The following ACADVL variants were observed in gnomAD, a reference collection of about 807,000 sequenced individuals.
ACADVL encodes the protein acyl-CoA dehydrogenase very long chain.
ACADVL carries 73 observed loss-of-function variants against 80.4 expected under a neutral mutation model. The ratio of observed to expected loss-of-function variants is 0.91; its 90% CI spans 0.75 to 1.10. The LOEUF (loss-of-function observed/expected upper bound fraction) is 1.10, where lower values mean the gene tolerates loss of function less well. ACADVL is among the 50% of genes least tolerant of loss of function. ACADVL has a pLI of 0.00. For missense variants in ACADVL, 878 were observed against 858.9 expected, an observed-to-expected ratio of 1.02 and a Z score of -0.28; for synonymous variants, 392 against 326.5, an observed-to-expected ratio of 1.20 and a Z score of -2.16.
At chr17:7,222,420 T>C in intron 9 of ACADVL, 118 bp downstream of exon 9, 1 of 1,455,184 alleles carries the variant, frequency 6.9e-7, no homozygotes, top group Non-Finnish European at 9.3e-7. Context: ...GTGGACTGAA[T>C]GTGGCCTTTG....
rs1242191850 is a variant in ACADVL, at chr17:7,223,332, C to T, written c.1182+95C>T. ...CCCAGCAGCACCTGGGGCAGTGGGT[C>T]TCCAGCTTTACACCAATGCCCTAGG... On this transcript the variant is annotated intron_variant, in intron 11 of 19. Transcript: ENST00000356839. 5 of 1,189,082 alleles carry T rather than the reference C, an allele frequency of 4.2e-6. No homozygotes were observed. In the African/African-American group the frequency reaches 6.0e-5, roughly 14 times the overall value. The allele number at this position is 1,189,082 out of a possible 1,614,324, so 73.7% of individuals were successfully genotyped here. A position where few individuals can be genotyped will look rare whatever the true frequency, so the allele number is the denominator to read the frequency against.
chr17:7,219,214 G>A, upstream of ACADVL: 1 of 331,926 alleles, frequency 3.0e-6, no homozygotes, highest in South Asian at 4.4e-5. Context: ...CCTGCCCTAG[G>A]GCTAGAGAAG....
chr17:7,219,314 A>G, upstream of ACADVL: 1 of 844,310 alleles, frequency 1.2e-6, no homozygotes, highest in South Asian at 4.0e-5. Context: ...TGGTCTCTGG[A>G]AGGAACAGAG....
chr17:7,220,249 G>A, intron 2 of ACADVL, 52 bp downstream of exon 2: 1 of 1,512,494 alleles, frequency 6.6e-7, no homozygotes, highest in Non-Finnish European at 8.8e-7. Context: ...GTCCGCTTCG[G>A]CGCCCGCCAT....
chr17:7,218,460 G>T, upstream of ACADVL: 2 of 1,452,122 alleles, frequency 1.4e-6, no homozygotes, highest in South Asian at 1.2e-5. Flanking sequence ...TGGACCAAAT[G>T]ATCTCTGGGC....
upstream of ACADVL, chr17:7,217,762 C>T (rs2071000155): frequency 1.3e-6 from 2 of 1,535,112 alleles, no homozygotes; most frequent in South Asian, 2.4e-5. Flanking sequence ...CACAGAGGCC[C>T]CTGAGGCAAA....
chr17:7,223,038 GC>G lies in ACADVL; in HGVS notation c.1078-94del, dbSNP rs1323136630. On this transcript the variant is annotated intron_variant, in intron 10 of 19. Transcript: ENST00000356839. Reference sequence around the variant, plus strand: ...AGCGTAGACTGAACTCTGGTTGTATGCAAAACCCATCCCTCTGGCGCAAGCC... The same window carrying G: ...AGCGTAGACTGAACTCTGGTTGTATGAAAACCCATCCCTCTGGCGCAAGCC... The G allele has an allele frequency of 5.4e-6, 8 of 1,474,604 alleles. No individual in the cohort carries two copies. The African/African-American group carries it at 1.1e-4, about 20-fold the overall frequency. The allele number at this position is 1,474,604 out of a possible 1,614,324, so 91.3% of individuals were successfully genotyped here.
chr17:7,218,202 G>T (rs1231739034), upstream of ACADVL: 5 of 1,578,798 alleles, frequency 3.2e-6, no homozygotes, highest in South Asian at 1.1e-5. Context: ...AGCCCTGCCT[G>T]CCCCTCAGGA....
chr17:7,225,006 G>A lies in ACADVL; in HGVS notation c.1877G>A (p.Trp626Ter), dbSNP rs1393062056. The change falls in exon 20 of 20, where the codon TGG becomes TAG. Residue 626 changes from tryptophan (W) to a stop codon, truncating the protein, a stop_gained. Coordinates refer to ENST00000356839, the MANE Select transcript of ACADVL (RefSeq NM_000018.4). LOFTEE classifies it high-confidence loss of function. ...EGMAALQSDPWQQELYRNFKS... is the reference protein window; with the variant it reads ...EGMAALQSDP ...ATGGCCGCCCTGCAGTCTGACCCCT[G>A]GCAGCAAGAGCTCTACCGCAACTTC... The A allele has an allele frequency of 6.2e-7, 1 of 1,614,078 alleles. No homozygotes were observed. Among genetic ancestry groups the A allele is most frequent in the Admixed American group, 1.7e-5 (1 of 60,024 alleles).
upstream of ACADVL, chr17:7,219,003 T>C (rs914031829): frequency 3.9e-6 from 3 of 765,734 alleles, no homozygotes; most frequent in Non-Finnish European, 6.6e-6. Context: ...ACCGCCACCA[T>C]CTTGCTCCAC....
chr17:7,223,056 G>A, intron 10 of ACADVL, 77 bp from the exon 11 acceptor site: 1 of 1,511,416 alleles, frequency 6.6e-7, no homozygotes, highest in African/African-American at 1.4e-5. Context: ...CATCCCTCTG[G>A]CGCAAGCCCA....
intron 11 of ACADVL, 49 bp from the exon 12 acceptor site, chr17:7,223,595 C>T (rs772543550): frequency 6.2e-7 from 1 of 1,602,730 alleles, no homozygotes; most frequent in South Asian, 1.1e-5. Context: ...CCAAGTCTGA[C>T]AAAGCCCTTT....
At chr17:7,219,849 GC>G, upstream of ACADVL, 1 of 1,538,498 alleles carries the variant, frequency 6.5e-7, no homozygotes. Context: ...CTCCCAGCAT[GC>G]CCCGGGGCCC....
At position 7,224,310 on chromosome 17, in the gene ACADVL, C is replaced by T; in HGVS notation, c.1533-11C>T. 6.2e-7 allele frequency: 1 copy of T among 1,613,834 alleles called. No homozygotes were observed. The highest frequency in any genetic ancestry group is 8.5e-7 in the Non-Finnish European group (1 of 1,180,016). ...TGGCAACTAACCAGTCATTCTCCCT[C>T]TTCCTCTCAGGCGGGCAGGGCTGGG... On this transcript the variant is annotated splice_polypyrimidine_tract_variant and intron_variant, in intron 15 of 19. Coordinates refer to ENST00000356839, the MANE Select transcript of ACADVL (RefSeq NM_000018.4).
upstream of ACADVL, chr17:7,217,599 G>A (rs1597507481): frequency 4.7e-5 from 66 of 1,395,084 alleles, no homozygotes; most frequent in South Asian, 9.0e-4. Flanking sequence ...GGGAGCCGTG[G>A]AGCCGAAGAG....
chr17:7,223,305 C>T (rs768509803), intron 11 of ACADVL, 68 bp downstream of exon 11: 1 of 1,408,204 alleles, frequency 7.1e-7, no homozygotes, highest in Non-Finnish European at 1.0e-6. Flanking sequence ...CAGACTACAA[C>T]CCCCAGCAGC....
Position 7,222,257 on chromosome 17 carries a change from A to G in ACADVL, c.833A>G (p.Lys278Arg). Residue 278 changes from lysine (K) to arginine (R), a missense_variant, in exon 9 of 20, where the codon AAG becomes AGG. Lys to Arg is a conservative substitution (Grantham distance 26). Coordinates refer to ENST00000356839, the MANE Select transcript of ACADVL (RefSeq NM_000018.4). ...TDPATGAVKE[K>R]ITAFVVERGF... ...CCAGCCACAGGAGCCGTGAAGGAGA[A>G]GATCACAGCTTTTGTGGTGGAGAGG... 6.2e-7 allele frequency: 1 copy of G among 1,614,118 alleles called. No individual in the cohort carries two copies. Among genetic ancestry groups the G allele is most frequent in the East Asian group, 2.2e-5 (1 of 44,884 alleles).
Position 7,224,516 on chromosome 17 carries a change from G to A in ACADVL, c.1642G>A (p.Glu548Lys), listed in dbSNP as rs756464030. The A allele has an allele frequency of 1.2e-6, 2 of 1,613,314 alleles. No individual in the cohort carries two copies. The change falls in exon 17 of 20, where the codon GAG becomes AAG. Residue 548 changes from glutamate to lysine, a missense_variant. Coordinates refer to ENST00000356839, the MANE Select transcript of ACADVL (RefSeq NM_000018.4). Reference sequence around the variant, plus strand: ...TCTGGAGCAGTTTGCCACTGTGGTGGAGGCCAAGCTGATAAAACACAAGAA... The same window carrying A: ...TCTGGAGCAGTTTGCCACTGTGGTGAAGGCCAAGCTGATAAAACACAAGAA... Reference protein sequence around the residue: ...RALEQFATVVEAKLIKHKKGI... With the variant: ...RALEQFATVVKAKLIKHKKGI...
Position 7,221,596 on chromosome 17 carries a change from G to A in ACADVL, c.536G>A (p.Gly179Glu). 1 of 1,614,086 alleles carries A rather than the reference G, an allele frequency of 6.2e-7. No homozygotes were observed. The highest frequency in any genetic ancestry group is 8.5e-7 in the Non-Finnish European group (1 of 1,180,028). The stretch of plus-strand genomic sequence containing the variant: ...GACCTTGGCGTGGGCATTACCCTGG[G>A]GGCCCATCAGAGCATCGGTTTCAAA... Reference protein sequence around the residue: ...MHDLGVGITLGAHQSIGFKGI... With the variant: ...MHDLGVGITLEAHQSIGFKGI... The change falls in exon 7 of 20, where the codon GGG (glycine) becomes GAG (glutamate). Residue 179 changes from glycine to glutamate, a missense_variant. Transcript: ENST00000356839.
Sources: allele counts gnomAD v4.1 joint callset, GRCh38; gene constraint gnomAD v4.1.1; transcripts MANE v1.5; gene names NCBI Gene and HGNC (gene_info 2026-07-23, HGNC 2026-07-21).